EPHA8: variants seen among roughly 807,000 people sequenced by gnomAD.
EPHA8 encodes ephrin type-A receptor 8.
Under a neutral mutation model 103.6 loss-of-function variants are expected in EPHA8, and 58 were observed. The observed-to-expected ratio is 0.56, with a 90% CI of 0.45 to 0.70. EPHA8 has a LOEUF of 0.70. Ranked by LOEUF, EPHA8 falls within the 30% of genes least tolerant of loss-of-function variation. The pLI, the probability that EPHA8 is intolerant of heterozygous loss-of-function variation, is 0.00. For missense variants in EPHA8, 1,304 were observed against 1,395.2 expected (o/e 0.93, Z 1.04); for synonymous variants, 559 against 572.5 (o/e 0.98, Z 0.34).
intron 1 of EPHA8, among the ~76,000 whole-genome samples, chr1:22,564,538 G>A (rs1640300278): frequency 6.6e-6 from 1 of 152,022 alleles, no homozygotes; most frequent in Admixed American, 6.5e-5. Flanking sequence ...GGGGCCCTGT[G>A]TGGGAGGAAG....
At chr1:22,579,060 T>G (rs185890547) in intron 3 of EPHA8, among the ~76,000 whole-genome samples, 1 of 151,792 alleles carries the variant, frequency 6.6e-6, no homozygotes, top group East Asian at 1.9e-4. Context: ...TGTGCATGTA[T>G]GTATGCATGT....
intron 2 of EPHA8, among the ~76,000 whole-genome samples, chr1:22,570,349 TACACACATGC>T (rs1488152695): frequency 2.7e-5 from 3 of 112,722 alleles, no homozygotes; most frequent in African/African-American, 1.4e-4. Context: ...CATGCGTGGG[TACACACATGC>T]ACACACGTGT....
chr1:22,593,289 C>T, intron 5 of EPHA8, 37 bp from the exon 6 acceptor site: 1 of 1,542,270 alleles, frequency 6.5e-7, no homozygotes, highest in African/African-American at 1.4e-5. Flanking sequence ...CACGCCTTGT[C>T]TCCCCTCCGC....
intron 3 of EPHA8, among the ~76,000 whole-genome samples, chr1:22,584,878 G>A (rs1641144961): frequency 6.6e-6 from 1 of 152,192 alleles, no homozygotes; most frequent in Non-Finnish European, 1.5e-5. Context: ...AGATGAATAA[G>A]GGAGTCGTAC....
intron 4 of EPHA8, 80 bp from the exon 5 acceptor site, chr1:22,588,791 G>A: frequency 6.7e-7 from 1 of 1,501,648 alleles, no homozygotes; most frequent in Non-Finnish European, 8.8e-7. Flanking sequence ...CTTCCCTTGG[G>A]GAGCCCCAGG....
chr1:22,577,255 C>A (rs1363092928), intron 3 of EPHA8, among the ~76,000 whole-genome samples: 3 of 152,106 alleles, frequency 2.0e-5, no homozygotes, highest in African/African-American at 7.2e-5. Flanking sequence ...AAGCACTTTG[C>A]GAGTATTAAC....
chr1:22,593,353 A>G lies in EPHA8; in HGVS notation c.1343A>G (p.Gln448Arg), dbSNP rs1641424230. 3.2e-6 allele frequency: 5 copies of G among 1,580,898 alleles called. No homozygotes were observed. Among genetic ancestry groups the G allele is most frequent in the South Asian group, 1.2e-5 (1 of 86,746 alleles). Residue 448 changes from glutamine (Q) to arginine (R), a missense_variant, in exon 6 of 17, where the codon CAA (glutamine) becomes CGA (arginine). By Grantham distance (43) the Gln-to-Arg change is conservative. Transcript: ENST00000166244. ...CCGTCCCAGGTGGTGGTGATCCGTC[A>G]AGAGCGGGCGGGGCAGACCAGCGTC... ...AAPSQVVVIRQERAGQTSVSL... is the reference protein window; with the variant it reads ...AAPSQVVVIRRERAGQTSVSL...
intron 7 of EPHA8, among the ~76,000 whole-genome samples, chr1:22,594,403 C>T (rs1641461322): frequency 6.6e-6 from 1 of 152,226 alleles, no homozygotes; most frequent in African/African-American, 2.4e-5. Flanking sequence ...GGACCAGCAG[C>T]ATCGGTCTCA....
intron 5 of EPHA8, among the ~76,000 whole-genome samples, chr1:22,592,445 C>T (rs1196203622): frequency 6.6e-6 from 1 of 152,220 alleles, no homozygotes; most frequent in Non-Finnish European, 1.5e-5. Flanking sequence ...AGTCCCGAAC[C>T]CACGCCTGGC....
intron 9 of EPHA8, 151 bp downstream of exon 9, chr1:22,596,324 G>A: frequency 1.4e-6 from 1 of 736,080 alleles, no homozygotes; most frequent in East Asian, 2.7e-5. Context: ...CAGAGACCTG[G>A]TGCCCCAGAG....
intron 2 of EPHA8, among the ~76,000 whole-genome samples, chr1:22,574,506 T>C (rs2124517393): frequency 6.6e-6 from 1 of 152,378 alleles, no homozygotes; most frequent in Admixed American, 6.5e-5. Context: ...GCCAGCATTC[T>C]ACTTTCTGTC....
chr1:22,574,221 C>T (rs1300563090), intron 2 of EPHA8, among the ~76,000 whole-genome samples: 7 of 152,192 alleles, frequency 4.6e-5, no homozygotes, highest in Non-Finnish European at 8.8e-5. Flanking sequence ...CCTCGTGATC[C>T]GCCTGCCTCA....
chr1:22,589,311 AGGCAAGTGCCTCTCT>A lies in EPHA8; in HGVS notation c.1315+109_1315+123del, dbSNP rs1641313217. The A allele has an allele frequency of 6.2e-7, 1 of 1,611,598 alleles. No homozygotes were observed. The highest frequency in any genetic ancestry group is 8.5e-7 in the Non-Finnish European group (1 of 1,179,514). On this transcript the variant is annotated intron_variant, in intron 5 of 16. Coordinates refer to ENST00000166244, the MANE Select transcript of EPHA8 (RefSeq NM_020526.5). This position sits in a 1 kb window ranked among gnomAD's most constrained non-coding sequence, Gnocchi z 4.3. ...TGCCGGGGACGTGCTGTGGGCCTTTAGGCAAGTGCCTCTCTGGCCCTGCGCTCCTCACCAGGACCC... is the reference window on the plus strand; with the variant it reads ...TGCCGGGGACGTGCTGTGGGCCTTTAGGCCCTGCGCTCCTCACCAGGACCC...
chr1:22,598,042 G>A lies in EPHA8; in HGVS notation c.2117-109G>A. 1 of 1,436,330 alleles carries A rather than the reference G, an allele frequency of 7.0e-7. No individual in the cohort carries two copies. The highest frequency in any genetic ancestry group is 9.7e-7 in the Non-Finnish European group (1 of 1,030,974). The allele number at this position is 1,436,330 out of a possible 1,614,324, so 89.0% of individuals were successfully genotyped here. ...CCAGTGGAAACCCAAGGCACCCTGG[G>A]GTTTCCAGTGCTGGCACAGGTCCTG... is the stretch of plus-strand genomic sequence containing the variant. On this transcript the variant is annotated intron_variant, in intron 11 of 16. Coordinates refer to ENST00000166244, the MANE Select transcript of EPHA8 (RefSeq NM_020526.5). The surrounding 1 kb of genome is among the most constrained non-coding windows in gnomAD (Gnocchi z 5.1).
At chr1:22,578,689 A>G (rs1288433895) in intron 3 of EPHA8, among the ~76,000 whole-genome samples, 2 of 127,202 alleles carry the variant, frequency 1.6e-5, no homozygotes, top group African/African-American at 7.2e-5. Flanking sequence ...GCATGAGTGT[A>G]TGTGTGCCTG....
rs11586741 is a variant in EPHA8 at position 22,598,290 on chromosome 1, C to A, written c.2178+78C>A. ...TGGGTGCTGGGAGATAGTGCAAAGC[C>A]CTCTAAGCCCCCTCCCTGGCTTGGA... On this transcript the variant is annotated intron_variant, in intron 12 of 16. Coordinates refer to ENST00000166244, the MANE Select transcript of EPHA8 (RefSeq NM_020526.5). The surrounding 1 kb of genome is among the most constrained non-coding windows in gnomAD (Gnocchi z 5.1). 1 of 1,424,152 alleles carries A rather than the reference C, an allele frequency of 7.0e-7. No individual in the cohort carries two copies. Among genetic ancestry groups the A allele is most frequent in the Non-Finnish European group, 9.7e-7 (1 of 1,030,086 alleles). 88.2% of individuals were successfully genotyped at this position (1,424,152 alleles called of 1,614,324 possible). A position where few individuals can be genotyped will look rare whatever the true frequency, so the allele number is the denominator to read the frequency against.
chr1:22,590,849 G>GA, intron 5 of EPHA8, among the ~76,000 whole-genome samples: 1 of 152,110 alleles, frequency 6.6e-6, no homozygotes, highest in South Asian at 2.1e-4. Flanking sequence ...TCGGTTATGT[G>GA]AAAAACAAAC....
chr1:22,578,980 A>G (rs1320316754), intron 3 of EPHA8, among the ~76,000 whole-genome samples: 1 of 118,314 alleles, frequency 8.5e-6, no homozygotes, highest in East Asian at 3.2e-4. Flanking sequence ...CATGTGTGTG[A>G]GTGTATGTGT....
At chr1:22,581,300 G>A (rs1461630894) in intron 3 of EPHA8, among the ~76,000 whole-genome samples, 1 of 152,236 alleles carries the variant, frequency 6.6e-6, no homozygotes, top group African/African-American at 2.4e-5. Flanking sequence ...TACAGCATAA[G>A]TCATAACAAT....
Sources: gnomAD v4.1 joint callset for allele counts (sites outside exome capture counted in the v4.1 genomes callset) on GRCh38, gnomAD v4.1.1 for gene constraint, Gnocchi (gnomAD v3.1) non-coding constraint, MANE v1.5 for transcripts, NCBI Gene and HGNC (gene_info 2026-07-23, HGNC 2026-07-21) for gene names.